Variants in NTSR1 observed in about 807,000 individuals in gnomAD.
NTSR1 encodes neurotensin receptor 1, also known as neurotensin receptor type 1.
Under a neutral mutation model 31.2 loss-of-function variants are expected in NTSR1, and 29 were observed. The observed-to-expected ratio is 0.93, with a 90% CI of 0.69 to 1.27. The LOEUF (loss-of-function observed/expected upper bound fraction) is 1.27, where lower values mean the gene tolerates loss of function less well. NTSR1 is among the 50% of genes most tolerant of loss of function. The pLI is 0.00. For missense variants in NTSR1, 697 were observed against 595.4 expected (o/e 1.17, Z -1.78); for synonymous variants, 282 against 269.9 (o/e 1.04, Z -0.44).
chr20:62,727,339 TG>T (rs979782979), intron 1 of NTSR1, among the ~76,000 whole-genome samples: 1 of 151,896 alleles, frequency 6.6e-6, no homozygotes, highest in Non-Finnish European at 1.5e-5. Context: ...TGGGTGGAAG[TG>T]GGGGGTCCCA....
intron 1 of NTSR1, among the ~76,000 whole-genome samples, chr20:62,717,143 G>T (rs1030917912): frequency 6.6e-6 from 1 of 152,248 alleles, no homozygotes; most frequent in African/African-American, 2.4e-5. Context: ...ATTGCCAGTG[G>T]GGCACCACCC....
chr20:62,722,660 T>G (rs1988842988), intron 1 of NTSR1, among the ~76,000 whole-genome samples: 1 of 152,190 alleles, frequency 6.6e-6, no homozygotes, highest in Non-Finnish European at 1.5e-5. Context: ...TACGTCTCCA[T>G]CAGGAAACTG....
intron 1 of NTSR1, among the ~76,000 whole-genome samples, chr20:62,752,950 G>A (rs759543904): frequency 4.4e-4 from 67 of 152,202 alleles, no homozygotes; most frequent in Non-Finnish European, 8.4e-4. Flanking sequence ...GAACAGACCC[G>A]CCACCCAGCC....
chr20:62,742,768 T>A lies in NTSR1; in HGVS notation c.715-11917T>A, dbSNP rs1989226857. ...TGGGCTGTGTCACCTTAAAGACCCCTTTGCTCTCTTGGCCCTGGCACCCCA... is the reference window on the plus strand; with the variant it reads ...TGGGCTGTGTCACCTTAAAGACCCCATTGCTCTCTTGGCCCTGGCACCCCA... On this transcript the variant is annotated intron_variant, in intron 1 of 3. Coordinates refer to ENST00000370501, the MANE Select transcript of NTSR1 (RefSeq NM_002531.3). The surrounding 1 kb of genome is among the most constrained non-coding windows in gnomAD (Gnocchi z 7.1). Among the ~76,000 whole-genome samples the A allele has an allele frequency of 6.7e-6, 1 of 149,010 alleles. No individual in the cohort carries two copies. Among genetic ancestry groups the A allele is most frequent in the Non-Finnish European group, 1.5e-5 (1 of 67,976 alleles).
rs1989229200 is a variant in NTSR1 at position 62,742,896 on chromosome 20, G to A, written c.715-11789G>A. Among the ~76,000 whole-genome samples, 1 of 149,642 alleles carries A rather than the reference G, an allele frequency of 6.7e-6. No individual in the cohort carries two copies. Among genetic ancestry groups the A allele is most frequent in the South Asian group, 2.1e-4 (1 of 4,770 alleles). On this transcript the variant is annotated intron_variant, in intron 1 of 3. Transcript: ENST00000370501. The surrounding 1 kb of genome is among the most constrained non-coding windows in gnomAD (Gnocchi z 7.1). The stretch of plus-strand genomic sequence containing the variant: ...AGGTGGTCACAGTGGCTCTGGTGTG[G>A]CCGTGGGGTTCCTGTTCATCCCAGG...
Position 62,732,510 on chromosome 20 carries a change from T to C in NTSR1, c.715-22175T>C, listed in dbSNP as rs1028210997. 1.3e-5 allele frequency: 2 copies of C among 152,258 alleles called. No individual in the cohort carries two copies. Among genetic ancestry groups the C allele is most frequent in the East Asian group, 1.9e-4 (1 of 5,202 alleles). The allele number at this position is 152,258 out of a possible 1,614,324, so 9.4% of individuals were successfully genotyped here. ...CCTGTGCTGTCTAATTCTTACCATG[T>C]AGCGCTGCATGAGATTCGCTGCTAT... On this transcript the variant is annotated intron_variant, in intron 1 of 3. Coordinates refer to ENST00000370501, the MANE Select transcript of NTSR1 (RefSeq NM_002531.3). The surrounding 1 kb of genome is among the most constrained non-coding windows in gnomAD (Gnocchi z 4.0).
intron 1 of NTSR1, among the ~76,000 whole-genome samples, chr20:62,730,347 C>T (rs1363195569): frequency 6.6e-6 from 1 of 152,182 alleles, no homozygotes; most frequent in Admixed American, 6.5e-5. Context: ...TGGGATTATA[C>T]CGTATGCAGC....
In NTSR1 at chr20:62,760,331, A is replaced by G. The variant is rs1328605770; in HGVS notation, c.*64A>G. 1.3e-6 allele frequency: 2 copies of G among 1,534,070 alleles called. No individual in the cohort carries two copies. Among genetic ancestry groups the G allele is most frequent in the African/African-American group, 2.7e-5 (2 of 73,392 alleles). ...ATGGGTCCTTGCCCCCGACAGACAG[A>G]GCAGCCCCCACCCGGGAGCCTTGAT... is the stretch of plus-strand genomic sequence containing the variant. On this transcript the variant is annotated 3_prime_UTR_variant, in exon 4 of 4. Transcript: ENST00000370501.
intron 1 of NTSR1, among the ~76,000 whole-genome samples, chr20:62,713,494 A>G (rs1988656749): frequency 1.3e-5 from 2 of 152,230 alleles, no homozygotes; most frequent in African/African-American, 2.4e-5. Flanking sequence ...GACAGGTTCC[A>G]GTGAAATCTG....
chr20:62,729,463 G>A (rs577606238), intron 1 of NTSR1, among the ~76,000 whole-genome samples: 3 of 152,258 alleles, frequency 2.0e-5, no homozygotes, highest in African/African-American at 7.2e-5. Context: ...GCCCTCAGGG[G>A]AGGAGAGGGA....
chr20:62,724,964 C>A (rs1988881464), intron 1 of NTSR1, among the ~76,000 whole-genome samples: 1 of 152,252 alleles, frequency 6.6e-6, no homozygotes. Context: ...TCTCATCGCA[C>A]AGTCCTCAGT....
chr20:62,756,085 A>T (rs1014892130), intron 2 of NTSR1, among the ~76,000 whole-genome samples: 13 of 151,894 alleles, frequency 8.6e-5, no homozygotes, highest in Admixed American at 6.5e-5. Context: ...GAGGCAGCAG[A>T]GGCAGGGGCA....
Position 62,760,001 on chromosome 20 carries a change from C to CCT in NTSR1, c.1008-9_1008-8dup. ...AAGAGTTCTCTCTGGGATCTGAGCGCCTCTCTCTCCCCGCAGGTTCCTCTA... is the reference window on the plus strand; with the variant it reads ...AAGAGTTCTCTCTGGGATCTGAGCGCCTCTCTCTCTCCCCGCAGGTTCCTCTA... On this transcript the variant is annotated splice_polypyrimidine_tract_variant and intron_variant, in intron 3 of 3. Transcript: ENST00000370501. The CCT allele has an allele frequency of 6.2e-7, 1 of 1,611,360 alleles. No homozygotes were observed.
At chr20:62,729,626 A>ATTTTTT (rs36003279) in intron 1 of NTSR1, among the ~76,000 whole-genome samples, 1 of 122,790 alleles carries the variant, frequency 8.1e-6, no homozygotes, top group Non-Finnish European at 1.7e-5. Flanking sequence ...GGGGTTTCTA[A>ATTTTTT]TTTTTTTTTT....
Position 62,709,772 on chromosome 20 carries a change from A to G in NTSR1, c.565A>G (p.Ile189Val). 6.2e-7 allele frequency: 1 copy of G among 1,613,052 alleles called. No individual in the cohort carries two copies. Among genetic ancestry groups the G allele is most frequent in the Non-Finnish European group, 8.5e-7 (1 of 1,179,922 alleles). ...LMSRSRTKKFISAIWLASALL... is the reference protein window; with the variant it reads ...LMSRSRTKKFVSAIWLASALL... ...GTCCCGAAGCCGCACCAAGAAGTTC[A>G]TCAGCGCCATCTGGCTCGCCTCGGC... Residue 189 changes from isoleucine (I) to valine (V), a missense_variant, in exon 1 of 4, where the codon ATC becomes GTC. Transcript: ENST00000370501.
intron 1 of NTSR1, among the ~76,000 whole-genome samples, chr20:62,725,332 C>A (rs1369554573): frequency 2.0e-5 from 3 of 152,274 alleles, no homozygotes; most frequent in Non-Finnish European, 4.4e-5. Context: ...CCTTTCACAG[C>A]CACCCTGGCC....
At chr20:62,716,331 C>T (rs1269363527) in intron 1 of NTSR1, among the ~76,000 whole-genome samples, 2 of 152,088 alleles carry the variant, frequency 1.3e-5, no homozygotes, top group Non-Finnish European at 2.9e-5. Flanking sequence ...TGCTGAAAGA[C>T]GCCAGACTCC....
chr20:62,738,289 G>A (rs1251635091), intron 1 of NTSR1, among the ~76,000 whole-genome samples: 2 of 152,242 alleles, frequency 1.3e-5, no homozygotes, highest in African/African-American at 4.8e-5. Context: ...GACAAGGCAG[G>A]TGCAGCCACT....
At position 62,733,667 on chromosome 20, in the gene NTSR1, G is replaced by A. The variant is rs879505271; in HGVS notation, c.715-21018G>A. Among the ~76,000 whole-genome samples the A allele has an allele frequency of 1.3e-5, 2 of 151,688 alleles. No individual in the cohort carries two copies. The highest frequency in any genetic ancestry group is 2.4e-5 in the African/African-American group (1 of 41,200). On this transcript the variant is annotated intron_variant, in intron 1 of 3. Coordinates refer to ENST00000370501, the MANE Select transcript of NTSR1 (RefSeq NM_002531.3). This position sits in a 1 kb window ranked among gnomAD's most constrained non-coding sequence, Gnocchi z 5.2. ...AGAGAAGAGAGAGGGAGAGAGAAAA[G>A]GAAAGAGAGGAGAGAGGGAAAGGCA... is the stretch of plus-strand genomic sequence containing the variant.
Sources: allele counts gnomAD v4.1 joint callset (sites outside exome capture counted in the v4.1 genomes callset), GRCh38; gene constraint gnomAD v4.1.1; non-coding constraint Gnocchi (gnomAD v3.1); transcripts MANE v1.5; gene names NCBI Gene and HGNC (gene_info 2026-07-23, HGNC 2026-07-21).